The following QTMAN variants were observed in gnomAD, a reference collection of about 807,000 sequenced individuals.
QTMAN encodes the protein queuosine-tRNA mannosyltransferase.
At chr2:144,068,023 A>G in the QTMAN span, among the ~76,000 whole-genome samples, 1 of 152,220 alleles carries the variant, frequency 6.6e-6, no homozygotes, top group East Asian at 1.9e-4. Flanking sequence ...AACATTTTAT[A>G]TGTTCCCTAA....
chr2:144,268,874 C>T, the QTMAN span, among the ~76,000 whole-genome samples: 15 of 152,298 alleles, frequency 9.8e-5, no homozygotes, highest in Admixed American at 1.3e-4. Context: ...ACTGCAACCT[C>T]CACCTCCCAG....
chr2:144,045,374 T>A, the QTMAN span, among the ~76,000 whole-genome samples: 1 of 152,310 alleles, frequency 6.6e-6, no homozygotes, highest in African/African-American at 2.4e-5. Flanking sequence ...ATAAGAAAAT[T>A]AAGGCTCAAG....
chr2:144,061,073 T>C, the QTMAN span, among the ~76,000 whole-genome samples: 1 of 152,162 alleles, frequency 6.6e-6, no homozygotes, highest in African/African-American at 2.4e-5. Context: ...GTATGAATAT[T>C]TTGAATTTAA....
chr2:143,991,930 C>T, the QTMAN span, among the ~76,000 whole-genome samples: 2 of 150,782 alleles, frequency 1.3e-5, no homozygotes, highest in Admixed American at 6.6e-5. Flanking sequence ...GCCCCCCGCC[C>T]GGCCAGCCAC....
At chr2:143,966,657 C>CT in the QTMAN span, among the ~76,000 whole-genome samples, 1 of 152,180 alleles carries the variant, frequency 6.6e-6, no homozygotes, top group Non-Finnish European at 1.5e-5. Context: ...CTCTCATCTC[C>CT]TGTAAAATGA....
At chr2:144,024,096 T>C in the QTMAN span, among the ~76,000 whole-genome samples, 1 of 152,366 alleles carries the variant, frequency 6.6e-6, no homozygotes. Flanking sequence ...GGCCCTGCAG[T>C]AAACTGCTGA....
At chr2:144,221,357 G>C in the QTMAN span, among the ~76,000 whole-genome samples, 1 of 151,986 alleles carries the variant, frequency 6.6e-6, no homozygotes, top group Non-Finnish European at 1.5e-5. Context: ...TACAAAAAGG[G>C]ATCTCATGAT....
chr2:144,310,025 T>C, the QTMAN span, among the ~76,000 whole-genome samples: 5 of 76,950 alleles, frequency 6.5e-5, no homozygotes, highest in African/African-American at 2.1e-4. Context: ...AAAAAGGTCA[T>C]AAAAAGTAAA....
At chr2:144,063,160 A>T in the QTMAN span, among the ~76,000 whole-genome samples, 1 of 152,156 alleles carries the variant, frequency 6.6e-6, no homozygotes, top group Non-Finnish European at 1.5e-5. Flanking sequence ...AGAAAAACTA[A>T]CCCTGAGAGA....
chr2:144,321,901 C>T, the QTMAN span, among the ~76,000 whole-genome samples: 2 of 152,124 alleles, frequency 1.3e-5, no homozygotes, highest in Admixed American at 6.6e-5. Flanking sequence ...AGTAATCTGC[C>T]ATGGTGAACA....
At chr2:144,233,295 A>C in the QTMAN span, among the ~76,000 whole-genome samples, 393 of 152,336 alleles carry the variant, frequency 2.6e-3, 1 homozygote, top group African/African-American at 8.6e-3. Flanking sequence ...ACTGTAAAGA[A>C]AATATCTAAG....
the QTMAN span, among the ~76,000 whole-genome samples, chr2:144,023,369 A>G: frequency 6.6e-6 from 1 of 152,246 alleles, no homozygotes; most frequent in Non-Finnish European, 1.5e-5. Context: ...TTAAGCTCTT[A>G]GGCAACCTGA....
the QTMAN span, among the ~76,000 whole-genome samples, chr2:144,084,069 C>T: frequency 2.1e-4 from 32 of 152,260 alleles, no homozygotes; most frequent in East Asian, 2.5e-3. Context: ...AATAGAGCAG[C>T]GGGAAATTGT....
chr2:144,220,119 C>T, the QTMAN span, among the ~76,000 whole-genome samples: 1 of 151,984 alleles, frequency 6.6e-6, no homozygotes, highest in South Asian at 2.1e-4. Flanking sequence ...GCTCAGAAAC[C>T]CAGTTTAGAC....
the QTMAN span, among the ~76,000 whole-genome samples, chr2:144,242,240 A>C: frequency 6.6e-6 from 1 of 152,226 alleles, no homozygotes. Context: ...AACTGATAGT[A>C]AAGAGATAAA....
the QTMAN span, among the ~76,000 whole-genome samples, chr2:144,254,723 A>G: frequency 6.6e-6 from 1 of 152,228 alleles, no homozygotes; most frequent in Non-Finnish European, 1.5e-5. Context: ...AAAGCCACAG[A>G]CACTAAACAC....
At chr2:144,182,848 ATATT>A in the QTMAN span, among the ~76,000 whole-genome samples, 1 of 64,562 alleles carries the variant, frequency 1.5e-5, no homozygotes, top group African/African-American at 6.9e-5. Context: ...TATTATATAT[ATATT>A]TTATATATAA....
chr2:143,940,642 T>TG, the QTMAN span: 11 of 152,384 alleles, frequency 7.2e-5, no homozygotes, highest in East Asian at 2.1e-3. Context: ...ATGTAATTTC[T>TG]GGGTTATTGC....
chr2:144,249,876 C>T, the QTMAN span, among the ~76,000 whole-genome samples: 3 of 152,022 alleles, frequency 2.0e-5, no homozygotes, highest in Admixed American at 2.0e-4. Flanking sequence ...TTCACTTTAC[C>T]ATCAATTTTC....
Sources: allele counts gnomAD v4.1 joint callset (sites outside exome capture counted in the v4.1 genomes callset), GRCh38; gene constraint gnomAD v4.1.1; transcripts MANE v1.5; gene names NCBI Gene and HGNC (gene_info 2026-07-23, HGNC 2026-07-21).